EXD1: variants seen among roughly 807,000 people sequenced by gnomAD.
EXD1 encodes exonuclease 3'-5' domain containing 1.
EXD1 carries 63 observed loss-of-function variants against 49.1 expected under a neutral mutation model. That is an observed-to-expected ratio of 1.28 (90% CI 1.05 to 1.58). EXD1 has a LOEUF of 1.58. Ranked by LOEUF, EXD1 falls within the 40% of genes most tolerant of loss-of-function variation. The pLI is 0.00. For missense variants in EXD1, 748 were observed against 666.0 expected, an observed-to-expected ratio of 1.12 and a Z score of -1.36; for synonymous variants, 234 against 239.2, an observed-to-expected ratio of 0.98 and a Z score of 0.20.
At chr15:41,199,753 A>AATATATCATATAGG (rs1326775145) in intron 7 of EXD1, among the ~76,000 whole-genome samples, 3 of 96,874 alleles carry the variant, frequency 3.1e-5, no homozygotes, top group African/African-American at 9.1e-5. Flanking sequence ...TATATTATAT[A>AATATATCATATAGG]TGATACATAT....
Position 41,219,864 on chromosome 15 carries a change from T to G in EXD1, c.168A>C (p.Gly56=). Residue 56 remains glycine, a synonymous_variant, in exon 3 of 12, where the codon GGA becomes GGC. Transcript: ENST00000458580. ...KNVETGRSVP[G]VKLFFGHEIV... ...TCTCATGCCCAAAAAACAACTTCAC[T>G]CCTGGGACACTTCGACCTGTCTCCA... 2 of 1,535,770 alleles carry G rather than the reference T, an allele frequency of 1.3e-6. No individual in the cohort carries two copies. The highest frequency in any genetic ancestry group is 1.7e-6 in the Non-Finnish European group (2 of 1,146,802).
At chr15:41,194,878 A>T (rs1351930861) in intron 9 of EXD1, among the ~76,000 whole-genome samples, 1 of 152,230 alleles carries the variant, frequency 6.6e-6, no homozygotes, top group Admixed American at 6.6e-5. Flanking sequence ...AAGTAGATAC[A>T]TAAACAGAAA....
At chr15:41,199,776 T>TGA (rs2046693694) in intron 7 of EXD1, among the ~76,000 whole-genome samples, 2 of 23,988 alleles carry the variant, frequency 8.3e-5, no homozygotes, top group South Asian at 1.5e-3. Flanking sequence ...GATATATATG[T>TGA]CATATATTAT....
At chr15:41,197,786 G>GCTAAT (rs1555414445) in intron 7 of EXD1, among the ~76,000 whole-genome samples, 1 of 146,808 alleles carries the variant, frequency 6.8e-6, no homozygotes, top group Non-Finnish European at 1.5e-5. Context: ...ACCACACCTG[G>GCTAAT]CTAATTTTTT....
chr15:41,197,980 C>T (rs968668005), intron 7 of EXD1, among the ~76,000 whole-genome samples: 9 of 151,802 alleles, frequency 5.9e-5, no homozygotes, highest in East Asian at 1.9e-4. Context: ...ACCAAGATTG[C>T]GCCATCGCAC....
intron 7 of EXD1, among the ~76,000 whole-genome samples, chr15:41,202,325 G>A (rs2046746061): frequency 6.6e-6 from 1 of 151,294 alleles, no homozygotes; most frequent in Non-Finnish European, 1.5e-5. Flanking sequence ...ATAGGCACTT[G>A]CCACCAGGTC....
chr15:41,185,174 G>A (rs1194345744), intron 11 of EXD1, among the ~76,000 whole-genome samples: 1 of 152,066 alleles, frequency 6.6e-6, no homozygotes, highest in Non-Finnish European at 1.5e-5. Flanking sequence ...TTCCAGCCTG[G>A]CCTCAGCTGC....
rs753377727 is a variant in EXD1 at position 41,184,361 on chromosome 15, T to C, written c.1289A>G (p.Asp430Gly). 1 of 1,614,184 alleles carries C rather than the reference T, an allele frequency of 6.2e-7. No individual in the cohort carries two copies. Among genetic ancestry groups the C allele is most frequent in the South Asian group, 1.1e-5 (1 of 91,086 alleles). ...CAGTAAATTCACATCCCCGTGAAAGTCTTGAGATGTAAAACTTGGAGCTTT... is the reference window on the plus strand; with the variant it reads ...CAGTAAATTCACATCCCCGTGAAAGCCTTGAGATGTAAAACTTGGAGCTTT... ...IDKAPSFTSQ[D>G]FHGDVNLLKE... Residue 430 changes from aspartate to glycine, a missense_variant, in exon 12 of 12, where the codon GAC (aspartate) becomes GGC (glycine). Asp to Gly is a moderately conservative substitution (Grantham distance 94, BLOSUM62 -1). Coordinates refer to ENST00000458580, the MANE Select transcript of EXD1 (RefSeq NM_001286441.2).
chr15:41,199,177 G>A (rs183811706), intron 7 of EXD1, among the ~76,000 whole-genome samples: 3 of 151,942 alleles, frequency 2.0e-5, no homozygotes, highest in East Asian at 1.9e-4. Flanking sequence ...CAGGCTGGTC[G>A]TGAACTCCTG....
chr15:41,189,884 G>A (rs1307730763), intron 11 of EXD1, 53 bp downstream of exon 11: 1 of 1,563,300 alleles, frequency 6.4e-7, no homozygotes, highest in Non-Finnish European at 8.8e-7. Flanking sequence ...CACTGTGTCT[G>A]CCTTCCTTGA....
At chr15:41,191,393 A>T (rs754909536) in intron 10 of EXD1, 49 bp downstream of exon 10, 1 of 1,550,944 alleles carries the variant, frequency 6.4e-7, no homozygotes, top group Non-Finnish European at 8.8e-7. Context: ...TACTGCTCAG[A>T]AAACACTTGA....
intron 2 of EXD1, among the ~76,000 whole-genome samples, chr15:41,223,561 A>T (rs926804952): frequency 3.3e-5 from 5 of 151,954 alleles, no homozygotes; most frequent in African/African-American, 9.7e-5. Context: ...TCTCAATTTT[A>T]AAAAAATAAG....
At chr15:41,186,250 T>C (rs2046406077) in intron 11 of EXD1, among the ~76,000 whole-genome samples, 1 of 151,988 alleles carries the variant, frequency 6.6e-6, no homozygotes, top group Non-Finnish European at 1.5e-5. Flanking sequence ...GGTGGGTGGA[T>C]CACTTGAGGT....
At chr15:41,199,608 AT>A (rs2046674453) in intron 7 of EXD1, among the ~76,000 whole-genome samples, 1 of 143,544 alleles carries the variant, frequency 7.0e-6, no homozygotes, top group East Asian at 2.0e-4. Context: ...TATATTATAT[AT>A]TATATATATT....
chr15:41,184,860 G>A (rs867456890), intron 11 of EXD1, among the ~76,000 whole-genome samples: 1 of 151,978 alleles, frequency 6.6e-6, no homozygotes. Flanking sequence ...GTTTCACTGC[G>A]TTAGCCAAGA....
chr15:41,199,747 T>TATGATATATAATATATCA (rs558589077), intron 7 of EXD1, among the ~76,000 whole-genome samples: 1 of 99,760 alleles, frequency 1.0e-5, no homozygotes, highest in African/African-American at 4.0e-5. Context: ...ATGTCATATA[T>TATGATATATAATATATCA]TATATATGAT....
At chr15:41,224,877 C>A (rs1270220599) in intron 2 of EXD1, among the ~76,000 whole-genome samples, 1 of 152,018 alleles carries the variant, frequency 6.6e-6, no homozygotes, top group East Asian at 1.9e-4. Context: ...GTGGGAGGAT[C>A]ACTTGACCCT....
chr15:41,210,227 C>G (rs572839279), intron 6 of EXD1, among the ~76,000 whole-genome samples: 69 of 152,072 alleles, frequency 4.5e-4, no homozygotes, highest in Non-Finnish European at 7.8e-4. Context: ...GAATTATAAT[C>G]TTTAAGACAA....
chr15:41,220,556 C>T (rs999514685), intron 2 of EXD1, among the ~76,000 whole-genome samples: 1 of 152,106 alleles, frequency 6.6e-6, no homozygotes, highest in African/African-American at 2.4e-5. Flanking sequence ...CCGCACCCGG[C>T]CAAGGCAGCC....
Sources: allele counts gnomAD v4.1 joint callset (sites outside exome capture counted in the v4.1 genomes callset), GRCh38; gene constraint gnomAD v4.1.1; transcripts MANE v1.5; gene names NCBI Gene and HGNC (gene_info 2026-07-23, HGNC 2026-07-21).